MIB2: variants seen among roughly 807,000 people sequenced by gnomAD.
MIB2 encodes MIB E3 ubiquitin protein ligase 2.
In MIB2, 78 loss-of-function variants were observed where a neutral mutation model predicts 96.6. The observed-to-expected ratio is 0.81, with a 90% confidence interval of 0.67 to 0.97. MIB2 has a LOEUF of 0.97. Among genes scored for constraint, MIB2 ranks in the 50% least tolerant of loss-of-function variants. The pLI, the probability that MIB2 is intolerant of heterozygous loss-of-function variation, is 0.00. For synonymous variants in MIB2, 820 were observed against 629.5 expected, an observed-to-expected ratio of 1.30 and a Z score of -4.53; for missense variants, 1,543 against 1,424.0, an observed-to-expected ratio of 1.08 and a Z score of -1.35.
intron 16 of MIB2, 112 bp downstream of exon 16, chr1:1,628,834 C>A: frequency 9.8e-7 from 1 of 1,016,420 alleles, no homozygotes; most frequent in Non-Finnish European, 1.4e-6. Context: ...CCCAGGGAGC[C>A]AGGCGTTCTG....
At chr1:1,616,887 C>T in intron 2 of MIB2, 1 of 395,766 alleles carries the variant, frequency 2.5e-6, no homozygotes, top group East Asian at 5.8e-5. Context: ...CCCGGGAGGC[C>T]CCCTTTGTCC....
Position 1,627,102 on chromosome 1 carries a change from T to C in MIB2, c.1269T>C (p.Leu423=), listed in dbSNP as rs747497684. 3 of 1,600,782 alleles carry C rather than the reference T, an allele frequency of 1.9e-6. No individual in the cohort carries two copies. The highest frequency in any genetic ancestry group is 2.6e-6 in the Non-Finnish European group (3 of 1,174,190). Residue 423 remains leucine (L), a synonymous_variant, in exon 11 of 20, where the codon CTT becomes CTC. Transcript: ENST00000355826. The stretch of plus-strand genomic sequence containing the variant: ...CACTGAGCGTGGCCCTGGACAAGCT[T>C]CGGGCCCAGAAGAGTGACCCAGAGC... ...KSSLSVALDK[L]RAQKSDPEHP...
In MIB2 at chr1:1,626,790, T is replaced by C. The variant is rs751857535; in HGVS notation, c.1077+36T>C. ...CTGCCACCCCCGCCGCTAGCGCCGCTGCCCCCCACACCTGCAGCCTGCTGT... is the reference window on the plus strand; with the variant it reads ...CTGCCACCCCCGCCGCTAGCGCCGCCGCCCCCCACACCTGCAGCCTGCTGT... On this transcript the variant is annotated intron_variant, in intron 9 of 19. Transcript: ENST00000355826. This position sits in a 1 kb window ranked among gnomAD's most constrained non-coding sequence, Gnocchi z 5.3. 7.0e-6 allele frequency: 11 copies of C among 1,575,658 alleles called. No homozygotes were observed. Among genetic ancestry groups the C allele is most frequent in the Non-Finnish European group, 8.6e-6 (10 of 1,160,892 alleles).
At chr1:1,619,606 C>T (rs1238123780) in intron 2 of MIB2, among the ~76,000 whole-genome samples, 4 of 152,176 alleles carry the variant, frequency 2.6e-5, no homozygotes, top group African/African-American at 7.2e-5. Flanking sequence ...GGGGTGGGGG[C>T]CCTGCAGGGG....
Position 1,627,287 on chromosome 1 carries a change from T to A in MIB2, c.1375-9T>A, listed in dbSNP as rs537184145. 3 of 1,613,196 alleles carry A rather than the reference T, an allele frequency of 1.9e-6. No homozygotes were observed. In the African/African-American group the frequency reaches 4.0e-5, roughly 21 times the overall value. ...GGGCCAGGGACTCACCTGCTGGCACTCTTGGCAGGTGGACACCAAGAACCA... is the reference window on the plus strand; with the variant it reads ...GGGCCAGGGACTCACCTGCTGGCACACTTGGCAGGTGGACACCAAGAACCA... On this transcript the variant is annotated splice_polypyrimidine_tract_variant and intron_variant, in intron 11 of 19. Transcript: ENST00000355826.
Position 1,626,796 on chromosome 1 carries a change from CCA to C in MIB2, c.1078-37_1078-36del, listed in dbSNP as rs1557599926. On this transcript the variant is annotated intron_variant, in intron 9 of 19. Transcript: ENST00000355826. The surrounding 1 kb of genome is among the most constrained non-coding windows in gnomAD (Gnocchi z 5.3). ...CCCCCGCCGCTAGCGCCGCTGCCCCCCACACCTGCAGCCTGCTGTGACCCCCT... is the reference window on the plus strand; with the variant it reads ...CCCCCGCCGCTAGCGCCGCTGCCCCCCACCTGCAGCCTGCTGTGACCCCCT... The C allele has an allele frequency of 6.3e-7, 1 of 1,593,088 alleles. No individual in the cohort carries two copies. The highest frequency in any genetic ancestry group is 2.3e-5 in the East Asian group (1 of 44,328).
chr1:1,623,746 C>T lies in MIB2; in HGVS notation c.248-28C>T, dbSNP rs567283954. The T allele has an allele frequency of 2.0e-4, 303 of 1,542,742 alleles. 1 individual carries two copies. The highest frequency in any genetic ancestry group is 3.5e-4 in the South Asian group (28 of 79,024). On this transcript the variant is annotated intron_variant, in intron 3 of 19. Coordinates refer to ENST00000355826, the MANE Select transcript of MIB2 (RefSeq NM_001170687.4). The stretch of plus-strand genomic sequence containing the variant: ...GACGGGCAGGACCCGGGGGCGGGAA[C>T]GCCCCTCTGACCCCACCCCACCCCC...
At chr1:1,615,935 G>A in intron 1 of MIB2, 1 of 990,570 alleles carries the variant, frequency 1.0e-6, no homozygotes, top group Non-Finnish European at 1.2e-6. Flanking sequence ...CGGGTGGGCT[G>A]CGGCGCGCGG....
chr1:1,622,806 C>A (rs1177957522), intron 2 of MIB2, among the ~76,000 whole-genome samples: 1 of 152,224 alleles, frequency 6.6e-6, no homozygotes, highest in Non-Finnish European at 1.5e-5. Context: ...ACGTGCAGGG[C>A]CCAAAGCTGG....
chr1:1,623,115 T>C (rs1644409967), intron 2 of MIB2: 1 of 482,842 alleles, frequency 2.1e-6, no homozygotes, highest in Admixed American at 4.0e-5. Context: ...GAAGAGATGG[T>C]GGTTTTCTTC....
Position 1,615,607 on chromosome 1 carries a change from C to T in MIB2, c.-156C>T. ...CCGAGTCGCTCCTAGGTCACTGGCG[C>T]GATGCGGGCCGTCCTCTCGGCTGAT... On this transcript the variant is annotated 5_prime_UTR_variant, in exon 1 of 20. Coordinates refer to ENST00000355826, the MANE Select transcript of MIB2 (RefSeq NM_001170687.4). 1.3e-6 allele frequency: 2 copies of T among 1,568,606 alleles called. No individual in the cohort carries two copies. Among genetic ancestry groups the T allele is most frequent in the Non-Finnish European group, 1.7e-6 (2 of 1,161,674 alleles).
chr1:1,626,694 C>T lies in MIB2; in HGVS notation c.1017C>T (p.Asp339=), dbSNP rs1007194179. 2 of 1,600,478 alleles carry T rather than the reference C, an allele frequency of 1.2e-6. No individual in the cohort carries two copies. The highest frequency in any genetic ancestry group is 1.7e-5 in the Admixed American group (1 of 59,044). Residue 339 remains aspartate (D), a synonymous_variant, in exon 9 of 20, where the codon GAC becomes GAT. Coordinates refer to ENST00000355826, the MANE Select transcript of MIB2 (RefSeq NM_001170687.4). The surrounding 1 kb of genome is among the most constrained non-coding windows in gnomAD (Gnocchi z 5.3). Reference sequence around the variant, plus strand: ...GCGACGTGGTCCGGGTCATCGGCGACCTTGACACAGTGAAGCGGCTGCAGG... The same window carrying T: ...GCGACGTGGTCCGGGTCATCGGCGATCTTGACACAGTGAAGCGGCTGCAGG... ...WVGDVVRVIG[D]LDTVKRLQAG...
chr1:1,616,931 A>T, intron 2 of MIB2: 1 of 309,422 alleles, frequency 3.2e-6, no homozygotes, highest in South Asian at 3.1e-5. Context: ...CACATGCAAC[A>T]AGTGTCTGAA....
rs760732041 is a variant in MIB2 at position 1,624,973 on chromosome 1, G to C, written c.527-18G>C. The stretch of plus-strand genomic sequence containing the variant: ...TCATGGCTCAGCCTTAGCCTGCTGG[G>C]GGGGCCTCTTTCCCCAGGAGGGGAA... On this transcript the variant is annotated intron_variant, in intron 5 of 19. Transcript: ENST00000355826. 4.4e-6 allele frequency: 7 copies of C among 1,608,600 alleles called. No individual in the cohort carries two copies. The highest frequency in any genetic ancestry group is 2.2e-5 in the East Asian group (1 of 44,792).
intron 1 of MIB2, 23 bp downstream of exon 1, chr1:1,615,656 T>C: frequency 6.4e-7 from 1 of 1,565,146 alleles, no homozygotes; most frequent in East Asian, 2.4e-5. Context: ...GCGGATCTCC[T>C]CCCCTGGTCC....
upstream of MIB2, chr1:1,615,287 A>C (rs1643481925): frequency 7.5e-7 from 1 of 1,326,384 alleles, no homozygotes; most frequent in Non-Finnish European, 9.7e-7. Flanking sequence ...CGTCGCTCCC[A>C]AGCCCCCGTC....
In MIB2 at chr1:1,625,530, C is replaced by T. The variant is rs1389533816; in HGVS notation, c.865-16C>T. Reference sequence around the variant, plus strand: ...CGTCCAGCCCGACCCAGCCACAGCTCCATGACCCGCCACAGTTTATCGGAC... The same window carrying T: ...CGTCCAGCCCGACCCAGCCACAGCTTCATGACCCGCCACAGTTTATCGGAC... On this transcript the variant is annotated splice_polypyrimidine_tract_variant and intron_variant, in intron 7 of 19. Coordinates refer to ENST00000355826, the MANE Select transcript of MIB2 (RefSeq NM_001170687.4). This position sits in a 1 kb window ranked among gnomAD's most constrained non-coding sequence, Gnocchi z 5.0. 5.1e-6 allele frequency: 8 copies of T among 1,556,764 alleles called. No homozygotes were observed. The highest frequency in any genetic ancestry group is 1.2e-5 in the South Asian group (1 of 84,972).
At chr1:1,624,745 A>T in intron 4 of MIB2, 50 bp from the exon 5 acceptor site, 1 of 1,541,100 alleles carries the variant, frequency 6.5e-7, no homozygotes, top group Non-Finnish European at 8.9e-7. Context: ...TCAAGATGGG[A>T]AGAGATGGCG....
chr1:1,622,178 C>A (rs1451562597), intron 2 of MIB2, among the ~76,000 whole-genome samples: 1 of 152,244 alleles, frequency 6.6e-6, no homozygotes. Context: ...GTGTCCCCCA[C>A]CTCTGCTTCA....
Sources: allele counts gnomAD v4.1 joint callset (sites outside exome capture counted in the v4.1 genomes callset), GRCh38; gene constraint gnomAD v4.1.1; non-coding constraint Gnocchi (gnomAD v3.1); transcripts MANE v1.5; gene names NCBI Gene and HGNC (gene_info 2026-07-23, HGNC 2026-07-21).